CAMK1D: variants seen among roughly 807,000 people sequenced by gnomAD.
The protein encoded by CAMK1D is calcium/calmodulin dependent protein kinase ID, also known as calcium/calmodulin-dependent protein kinase type 1D.
CAMK1D carries 9 observed loss-of-function variants against 47.7 expected under a neutral mutation model. The ratio of observed to expected loss-of-function variants is 0.19; its 90% confidence interval spans 0.11 to 0.33. CAMK1D has a LOEUF of 0.33. Among genes scored for constraint, CAMK1D ranks in the 10% least tolerant of loss-of-function variants. The pLI is 1.00. For synonymous variants in CAMK1D, 184 were observed against 184.9 expected, an observed-to-expected ratio of 0.99 and a Z score of 0.04; for missense variants, 291 against 488.7, an observed-to-expected ratio of 0.60 and a Z score of 3.81.
At chr10:12,409,375 A>G (rs369374228) in intron 1 of CAMK1D, among the ~76,000 whole-genome samples, 16 of 152,274 alleles carry the variant, frequency 1.1e-4, no homozygotes, top group East Asian at 9.6e-4. Flanking sequence ...AACGGCTGTG[A>G]TAGAGGATAG....
chr10:12,553,453 AG>A (rs1443692519), intron 2 of CAMK1D, 97 bp downstream of exon 2: 2 of 1,009,514 alleles, frequency 2.0e-6, no homozygotes, highest in East Asian at 2.4e-5. Context: ...CCGGGGGCAG[AG>A]GGGCCCCCAG....
At chr10:12,675,403 A>G (rs1452719569) in intron 3 of CAMK1D, among the ~76,000 whole-genome samples, 1 of 152,216 alleles carries the variant, frequency 6.6e-6, no homozygotes, top group Non-Finnish European at 1.5e-5. Context: ...TTTCCACAAA[A>G]TCTGCTTCTC....
intron 3 of CAMK1D, among the ~76,000 whole-genome samples, chr10:12,742,738 A>G (rs76036789): frequency 2.0e-5 from 3 of 152,172 alleles, no homozygotes; most frequent in African/African-American, 7.2e-5. Context: ...ATCTTGGGAG[A>G]TGTAACTAAC....
At chr10:12,762,917 C>T (rs547174765) in intron 4 of CAMK1D, among the ~76,000 whole-genome samples, 3 of 152,268 alleles carry the variant, frequency 2.0e-5, no homozygotes, top group South Asian at 2.1e-4. Context: ...TCTCTGAACA[C>T]GTTCGTGTGG....
intron 1 of CAMK1D, among the ~76,000 whole-genome samples, chr10:12,537,789 G>A (rs774186411): frequency 3.9e-5 from 6 of 152,156 alleles, no homozygotes; most frequent in Admixed American, 2.0e-4. Context: ...TCCCCTTTCC[G>A]CTGAGACTTT....
At chr10:12,598,799 G>A (rs982305677) in intron 2 of CAMK1D, among the ~76,000 whole-genome samples, 5 of 152,216 alleles carry the variant, frequency 3.3e-5, no homozygotes, top group East Asian at 1.9e-4. Flanking sequence ...ACCTTTTAAC[G>A]CGTATCTTGC....
At chr10:12,820,799 A>G (rs2131104768) in intron 8 of CAMK1D, among the ~76,000 whole-genome samples, 1 of 152,192 alleles carries the variant, frequency 6.6e-6, no homozygotes, top group African/African-American at 2.4e-5. Flanking sequence ...CCTTTCACTG[A>G]GCATTGCTGT....
chr10:12,600,269 T>A (rs569027194), intron 2 of CAMK1D, among the ~76,000 whole-genome samples: 80 of 152,344 alleles, frequency 5.3e-4, no homozygotes, highest in African/African-American at 1.9e-3. Context: ...TGGGCCCCCC[T>A]GTTTCTAGTT....
At chr10:12,617,997 G>T (rs1202890867) in intron 2 of CAMK1D, among the ~76,000 whole-genome samples, 1 of 152,148 alleles carries the variant, frequency 6.6e-6, no homozygotes, top group African/African-American at 2.4e-5. Flanking sequence ...TACCTCCTCA[G>T]TAAGGTTCAG....
intron 1 of CAMK1D, among the ~76,000 whole-genome samples, chr10:12,389,657 G>A (rs1240280710): frequency 2.6e-5 from 4 of 152,154 alleles, no homozygotes; most frequent in Non-Finnish European, 5.9e-5. Flanking sequence ...CCTGGTTGGC[G>A]ACCGTCCAGT....
At chr10:12,594,847 T>C (rs1475856829) in intron 2 of CAMK1D, among the ~76,000 whole-genome samples, 1 of 152,232 alleles carries the variant, frequency 6.6e-6, no homozygotes, top group Admixed American at 6.5e-5. Flanking sequence ...GTGGTTGACG[T>C]AGGTGGGGCA....
intron 3 of CAMK1D, among the ~76,000 whole-genome samples, chr10:12,697,832 G>A (rs1271647253): frequency 1.3e-5 from 2 of 152,210 alleles, no homozygotes; most frequent in African/African-American, 4.8e-5. Flanking sequence ...TGAGGGTCTG[G>A]AGTAGAGGCT....
chr10:12,349,947 C>T, intron 1 of CAMK1D, 37 bp downstream of exon 1: 4 of 1,335,924 alleles, frequency 3.0e-6, no homozygotes, highest in South Asian at 2.5e-5. Context: ...TGGAGGTGGC[C>T]GCGGCAGGGG....
intron 5 of CAMK1D, among the ~76,000 whole-genome samples, chr10:12,781,315 G>C (rs896771774): frequency 1.3e-5 from 2 of 152,246 alleles, no homozygotes; most frequent in African/African-American, 4.8e-5. Flanking sequence ...ACAGCAGGTA[G>C]GCCCCCATGG....
intron 1 of CAMK1D, among the ~76,000 whole-genome samples, chr10:12,387,704 G>A (rs1838574636): frequency 2.7e-5 from 4 of 150,744 alleles, no homozygotes; most frequent in Non-Finnish European, 5.9e-5. Flanking sequence ...TGCTCAGCTT[G>A]GTCTCAAACT....
intron 1 of CAMK1D, among the ~76,000 whole-genome samples, chr10:12,539,817 A>G (rs1417452235): frequency 6.6e-6 from 1 of 152,228 alleles, no homozygotes; most frequent in Non-Finnish European, 1.5e-5. Context: ...CACCCTGGCA[A>G]CAAATGCATG....
chr10:12,475,648 C>T (rs1453252294), intron 1 of CAMK1D, among the ~76,000 whole-genome samples: 1 of 152,150 alleles, frequency 6.6e-6, no homozygotes, highest in African/African-American at 2.4e-5. Context: ...TCTGTGAGTT[C>T]TTCACCCCTC....
intron 3 of CAMK1D, among the ~76,000 whole-genome samples, chr10:12,700,530 G>C (rs1833476358): frequency 6.6e-6 from 1 of 152,192 alleles, no homozygotes; most frequent in East Asian, 1.9e-4. Flanking sequence ...TTTGGGTGGG[G>C]ACACAGCCAA....
intron 10 of CAMK1D, among the ~76,000 whole-genome samples, chr10:12,826,394 A>G (rs1833209824): frequency 6.6e-6 from 1 of 152,238 alleles, no homozygotes; most frequent in African/African-American, 2.4e-5. Flanking sequence ...TTGGATGCAG[A>G]CAATGATAAT....
Sources: allele counts gnomAD v4.1 joint callset (sites outside exome capture counted in the v4.1 genomes callset), GRCh38; gene constraint gnomAD v4.1.1; transcripts MANE v1.5; gene names NCBI Gene and HGNC (gene_info 2026-07-23, HGNC 2026-07-21).